CUX2: variants seen among roughly 807,000 people sequenced by gnomAD.
The protein encoded by CUX2 is homeobox protein cut-like 2.
A neutral mutation model predicts 144.8 loss-of-function variants in CUX2; 40 were observed. The observed-to-expected ratio is 0.28, with a 90% CI of 0.21 to 0.36. CUX2 has a LOEUF of 0.36. Ranked by LOEUF, CUX2 falls within the 10% of genes least tolerant of loss-of-function variation. The pLI is 1.00. For synonymous variants in CUX2, 827 were observed against 875.6 expected, an observed-to-expected ratio of 0.94 and a Z score of 0.98; for missense variants, 1,615 against 1,994.0, an observed-to-expected ratio of 0.81 and a Z score of 3.62.
At position 111,202,391 on chromosome 12, in the gene CUX2, C is replaced by CG. The variant is rs138891052; in HGVS notation, c.64-11805dup. 1.8e-3 allele frequency among the ~76,000 whole-genome samples: 278 copies of CG among 152,248 alleles called. 1 individual carries two copies. The highest frequency in any genetic ancestry group is 6.4e-3 in the African/African-American group (267 of 41,530). On this transcript the variant is annotated intron_variant, in intron 1 of 21. Transcript: ENST00000261726. ...AGTGATCGGATGTGGCTCTGGTTTT[C>CG]GGGGCTTGCCGACAAGATAATTAGG...
chr12:111,319,059 AT>A (rs1887363116), intron 16 of CUX2, among the ~76,000 whole-genome samples: 2 of 151,996 alleles, frequency 1.3e-5, no homozygotes, highest in Admixed American at 1.3e-4. Context: ...CGAGCCTGTA[AT>A]CTCTACACTT....
chr12:111,084,913 A>G (rs1392038786), intron 1 of CUX2, among the ~76,000 whole-genome samples: 1 of 151,932 alleles, frequency 6.6e-6, no homozygotes, highest in Non-Finnish European at 1.5e-5. Flanking sequence ...CTCTTCTCCC[A>G]TTCTTCCTCT....
chr12:111,171,566 G>A lies in CUX2; in HGVS notation c.64-42634G>A, dbSNP rs1184933061. Among the ~76,000 whole-genome samples the A allele has an allele frequency of 6.6e-6, 1 of 152,118 alleles. No homozygotes were observed. Among genetic ancestry groups the A allele is most frequent in the Admixed American group, 6.5e-5 (1 of 15,270 alleles). ...ACGCAGATGGCTAGTGGCTCAGTGG[G>A]TCTCCGGAGCACAGCCACCTGACAC... On this transcript the variant is annotated intron_variant, in intron 1 of 21. Transcript: ENST00000261726. The surrounding 1 kb of genome is among the most constrained non-coding windows in gnomAD (Gnocchi z 5.0).
At position 111,293,486 on chromosome 12, in the gene CUX2, C is replaced by T. The variant is rs543725859; in HGVS notation, c.477C>T (p.Thr159=). 2.3e-5 allele frequency: 37 copies of T among 1,608,424 alleles called. No homozygotes were observed. Among genetic ancestry groups the T allele is most frequent in the Middle Eastern group, 3.9e-4 (2 of 5,174 alleles). Residue 159 remains threonine, a synonymous_variant, in exon 6 of 22, where the codon ACC becomes ACT. Transcript: ENST00000261726. The surrounding 1 kb of genome is among the most constrained non-coding windows in gnomAD (Gnocchi z 4.5). The part of the protein sequence containing the change: ...EGTSPAGPTL[T]EGSRLPGIPG... ...CGTCGCCTGCCGGGCCCACGCTGAC[C>T]GAGGGAAGCCGCCTCCCAGGCATTC...
intron 2 of CUX2, among the ~76,000 whole-genome samples, chr12:111,216,920 G>A (rs772826372): frequency 6.6e-6 from 1 of 152,146 alleles, no homozygotes; most frequent in South Asian, 2.1e-4. Flanking sequence ...TTTCTGCTCT[G>A]TCTGGGGCAA....
At chr12:111,323,531 C>T (rs542699609) in intron 18 of CUX2, among the ~76,000 whole-genome samples, 1 of 152,308 alleles carries the variant, frequency 6.6e-6, no homozygotes, top group Admixed American at 6.5e-5. Flanking sequence ...GGGGCTCACG[C>T]CTGTAATCCC....
intron 1 of CUX2, among the ~76,000 whole-genome samples, chr12:111,172,113 TTGTG>T (rs375790231): frequency 1.3e-5 from 2 of 149,760 alleles, no homozygotes; most frequent in African/African-American, 4.9e-5. Flanking sequence ...GTGCATATGC[TTGTG>T]TGTGTGTGTG....
rs1171615933 is a variant in CUX2, at chr12:111,293,605, A to G, written c.560+36A>G. On this transcript the variant is annotated intron_variant, in intron 6 of 21. Coordinates refer to ENST00000261726, the MANE Select transcript of CUX2 (RefSeq NM_015267.4). The surrounding 1 kb of genome is among the most constrained non-coding windows in gnomAD (Gnocchi z 4.5). ...GAAGGTGGGTGGGAGGGAGGAAGGA[A>G]TGGGCAGGGCTCCTGCTGCCCCACC... 2.6e-6 allele frequency: 4 copies of G among 1,551,030 alleles called. No homozygotes were observed. The highest frequency in any genetic ancestry group is 3.5e-6 in the Non-Finnish European group (4 of 1,146,818).
In CUX2 at chr12:111,349,818, A is replaced by G. The variant is rs1360070957; in HGVS notation, c.*1493A>G. ...AAGGCTGAATTGAGTGACTCCCCAG[A>G]ATGAAGATGAGAAGGTGAATATAAT... is the stretch of plus-strand genomic sequence containing the variant. On this transcript the variant is annotated 3_prime_UTR_variant, in exon 22 of 22. Coordinates refer to ENST00000261726, the MANE Select transcript of CUX2 (RefSeq NM_015267.4). 1 of 152,172 alleles carries G rather than the reference A, an allele frequency of 6.6e-6. No homozygotes were observed. Among genetic ancestry groups the G allele is most frequent in the Non-Finnish European group, 1.5e-5 (1 of 68,032 alleles). 9.4% of individuals were successfully genotyped at this position (152,172 alleles called of 1,614,324 possible).
In CUX2 at chr12:111,310,544, G is replaced by C; in HGVS notation, c.1762G>C (p.Val588Leu). 1 of 1,614,038 alleles carries C rather than the reference G, an allele frequency of 6.2e-7. No homozygotes were observed. Among genetic ancestry groups the C allele is most frequent in the Non-Finnish European group, 8.5e-7 (1 of 1,180,010 alleles). Residue 588 changes from valine (V) to leucine (L), a missense_variant, in exon 15 of 22, where the codon GTC becomes CTC. Val to Leu is a conservative substitution (Grantham distance 32). Transcript: ENST00000261726. This position sits in a 1 kb window ranked among gnomAD's most constrained non-coding sequence, Gnocchi z 7.9. ...HYVLGLSQGSVSEILARPKPW... is the reference protein window; with the variant it reads ...HYVLGLSQGSLSEILARPKPW... ...CGTGCTGGGGCTGTCGCAGGGCTCG[G>C]TCAGCGAGATCCTAGCCCGGCCCAA...
Position 111,347,517 on chromosome 12 carries a change from GC to G in CUX2, c.3660-3del. On this transcript the variant is annotated splice_region_variant and splice_polypyrimidine_tract_variant and intron_variant, in intron 21 of 21. Transcript: ENST00000261726. ...CAGCCCCAGGCTCACCGCCGTCTCT[GC>G]CCCAGGTCCCGGATGCGCCGGGAGA... The G allele has an allele frequency of 6.3e-7, 1 of 1,580,830 alleles. No homozygotes were observed.
intron 4 of CUX2, among the ~76,000 whole-genome samples, chr12:111,286,661 T>C (rs977104552): frequency 6.6e-6 from 1 of 151,964 alleles, no homozygotes; most frequent in Non-Finnish European, 1.5e-5. Flanking sequence ...TCACCTGAGA[T>C]TGGGAGTTTG....
chr12:111,305,570 C>G lies in CUX2; in HGVS notation c.858+1256C>G, dbSNP rs140424436. Among the ~76,000 whole-genome samples, 984 of 152,192 alleles carry G rather than the reference C, an allele frequency of 6.5e-3. 11 individuals carry two copies. The highest frequency in any genetic ancestry group is 0.023 in the African/African-American group (952 of 41,522). ...CATGAGTCAGGCATGGTGGCACATG[C>G]CTGTAGTCCCAGCCTCTTAGGAGGC... On this transcript the variant is annotated intron_variant, in intron 10 of 21. Transcript: ENST00000261726.
At chr12:111,265,293 ATT>A (rs892488506) in intron 4 of CUX2, among the ~76,000 whole-genome samples, 4 of 146,908 alleles carry the variant, frequency 2.7e-5, no homozygotes, top group Non-Finnish European at 1.5e-5. Context: ...AGCTTCCCCT[ATT>A]TTATTTTATT....
intron 1 of CUX2, among the ~76,000 whole-genome samples, chr12:111,089,769 T>G (rs762726705): frequency 1.1e-4 from 17 of 152,180 alleles, no homozygotes; most frequent in Non-Finnish European, 2.5e-4. Flanking sequence ...CAGGTGCTTT[T>G]GGGGAACTGT....
intron 1 of CUX2, among the ~76,000 whole-genome samples, chr12:111,173,699 G>A (rs11837815): frequency 0.011 from 1,607 of 152,290 alleles, 38 homozygotes; most frequent in African/African-American, 0.037. Context: ...CTTGGCTGAG[G>A]GGTAGGCCTG....
At chr12:111,214,175 T>C (rs765199766) in intron 1 of CUX2, 25 bp from the exon 2 acceptor site, 920 of 543,444 alleles carry the variant, frequency 1.7e-3, no homozygotes, top group South Asian at 6.4e-3. Flanking sequence ...CTCTCTCTCT[T>C]TTTTTTTTTT....
intron 2 of CUX2, among the ~76,000 whole-genome samples, chr12:111,217,340 T>C (rs745533043): frequency 6.6e-6 from 1 of 152,152 alleles, no homozygotes; most frequent in Non-Finnish European, 1.5e-5. Context: ...GTTACACAAG[T>C]GGCATTGCTA....
chr12:111,241,674 C>T (rs1036899051), intron 3 of CUX2, among the ~76,000 whole-genome samples: 1 of 152,280 alleles, frequency 6.6e-6, no homozygotes, highest in African/African-American at 2.4e-5. Flanking sequence ...AGACATCCCA[C>T]GTTGGCCCGA....
Sources: allele counts gnomAD v4.1 joint callset (sites outside exome capture counted in the v4.1 genomes callset), GRCh38; gene constraint gnomAD v4.1.1; non-coding constraint Gnocchi (gnomAD v3.1); transcripts MANE v1.5; gene names NCBI Gene and HGNC (gene_info 2026-07-23, HGNC 2026-07-21).